The following NOCT variants were observed in gnomAD, a reference collection of about 807,000 sequenced individuals.
NOCT encodes CCR4 carbon catabolite repression 4-like.
A neutral mutation model predicts 35.0 loss-of-function variants in NOCT; 18 were observed. That is an observed-to-expected ratio of 0.51 (90% CI 0.36 to 0.76). The LOEUF (loss-of-function observed/expected upper bound fraction) is 0.76, where lower values mean the gene tolerates loss of function less well. NOCT is among the 30% of genes least tolerant of loss of function. The pLI, the probability that NOCT is intolerant of heterozygous loss-of-function variation, is 0.01. For missense variants in NOCT, 479 were observed against 541.0 expected, an observed-to-expected ratio of 0.89 and a Z score of 1.14; for synonymous variants, 235 against 226.3, an observed-to-expected ratio of 1.04 and a Z score of -0.34.
intron 2 of NOCT, chr4:139,043,980 G>GTATGTA (rs1553947370): frequency 2.2e-5 from 3 of 135,388 alleles, no homozygotes; most frequent in Admixed American, 7.4e-5. Flanking sequence ...AAAAAAATAT[G>GTATGTA]TATATATATA....
At chr4:139,036,087 G>C (rs912123360) in intron 1 of NOCT, among the ~76,000 whole-genome samples, 2 of 151,856 alleles carry the variant, frequency 1.3e-5, no homozygotes, top group Non-Finnish European at 2.9e-5. Context: ...ATATATGACA[G>C]ACTACACACA....
chr4:139,027,769 A>G (rs979451134), intron 1 of NOCT, among the ~76,000 whole-genome samples: 5 of 152,196 alleles, frequency 3.3e-5, no homozygotes, highest in Non-Finnish European at 7.3e-5. Flanking sequence ...AAGTGCTGGG[A>G]TTACAGGCTT....
intron 1 of NOCT, 31 bp downstream of exon 1, chr4:139,016,202 G>A: frequency 8.3e-7 from 1 of 1,211,404 alleles, no homozygotes; most frequent in Non-Finnish European, 1.0e-6. Flanking sequence ...GGCGGAGAAC[G>A]CCACGGCCGC....
intron 1 of NOCT, among the ~76,000 whole-genome samples, chr4:139,021,202 G>A (rs1050865137): frequency 6.6e-6 from 1 of 152,072 alleles, no homozygotes; most frequent in East Asian, 1.9e-4. Context: ...GGGTTTTGCC[G>A]TGTTGCCCAG....
chr4:139,036,819 G>GGGATT (rs1402034193), intron 1 of NOCT, among the ~76,000 whole-genome samples: 1 of 152,214 alleles, frequency 6.6e-6, no homozygotes, highest in Non-Finnish European at 1.5e-5. Context: ...CAAGGACTAT[G>GGGATT]GGATTGGATT....
intron 1 of NOCT, among the ~76,000 whole-genome samples, chr4:139,039,970 C>T (rs1560733994): frequency 1.3e-5 from 2 of 151,842 alleles, no homozygotes; most frequent in South Asian, 4.2e-4. Context: ...TCAGGTGATC[C>T]GCCCGCCTCA....
chr4:139,021,416 C>G (rs1331090977), intron 1 of NOCT, among the ~76,000 whole-genome samples: 1 of 151,954 alleles, frequency 6.6e-6, no homozygotes, highest in Non-Finnish European at 1.5e-5. Flanking sequence ...GTCGGGAGTT[C>G]GAGACCAGCC....
intron 1 of NOCT, among the ~76,000 whole-genome samples, chr4:139,018,804 G>A (rs76557885): frequency 0.01 from 1,599 of 152,344 alleles, 24 homozygotes; most frequent in African/African-American, 0.035. Context: ...AATGGCACAA[G>A]GGTGCAGGAA....
In NOCT at chr4:139,016,040, T is replaced by C. The variant is rs1332989175; in HGVS notation, c.59T>C (p.Leu20Pro). 7.2e-7 allele frequency: 1 copy of C among 1,390,700 alleles called. No homozygotes were observed. 86.1% of individuals were successfully genotyped at this position (1,390,700 alleles called of 1,614,324 possible). The part of the protein sequence containing the change: ...SALLQRDAPG[L>P]RRLPAPGLRR... ...CTGCTGCAGAGGGACGCGCCCGGCC[T>C]GCGCCGCCTGCCCGCCCCAGGGCTG... The change falls in exon 1 of 3, where the codon CTG becomes CCG. Residue 20 changes from leucine (L) to proline (P), a missense_variant. Physicochemically the swap from Leu to Pro is moderately conservative, Grantham distance 98. Coordinates refer to ENST00000280614, the MANE Select transcript of NOCT (RefSeq NM_012118.4).
intron 1 of NOCT, among the ~76,000 whole-genome samples, chr4:139,019,790 GC>G (rs1475501168): frequency 6.6e-6 from 1 of 152,194 alleles, no homozygotes; most frequent in African/African-American, 2.4e-5. Flanking sequence ...AGTAGCAGTT[GC>G]CACAGTTACT....
At chr4:139,026,290 G>A (rs1224292120) in intron 1 of NOCT, among the ~76,000 whole-genome samples, 4 of 151,878 alleles carry the variant, frequency 2.6e-5, no homozygotes, top group African/African-American at 2.4e-5. Context: ...TGGTAGAGAC[G>A]GGGTTTCACC....
chr4:139,034,576 TGTG>T (rs1195458414), intron 1 of NOCT, among the ~76,000 whole-genome samples: 3 of 152,064 alleles, frequency 2.0e-5, no homozygotes, highest in African/African-American at 2.4e-5. Context: ...GTGGTGTTGT[TGTG>T]GTGGTGGTGG....
At chr4:139,016,275 T>C in intron 1 of NOCT, 104 bp downstream of exon 1, 1 of 732,316 alleles carries the variant, frequency 1.4e-6, no homozygotes, top group South Asian at 7.0e-5. Context: ...CTGCCGGTCG[T>C]GGAGTCTGGC....
chr4:139,045,278 G>A lies in NOCT; in HGVS notation c.1100G>A (p.Arg367Gln), dbSNP rs903699987. 1.9e-6 allele frequency: 3 copies of A among 1,613,948 alleles called. No homozygotes were observed. The highest frequency in any genetic ancestry group is 8.5e-7 in the Non-Finnish European group (1 of 1,180,030). The change falls in exon 3 of 3, where the codon CGG becomes CAG. Residue 367 changes from arginine (R) to glutamine (Q), a missense_variant. This residue lies in a region of NOCT where 214 missense variants were observed against 284.0 expected (regional missense o/e 0.75). Coordinates refer to ENST00000280614, the MANE Select transcript of NOCT (RefSeq NM_012118.4). ...CCCCCATACACTACCTGGAAGATCC[G>A]GACCTCAGGGGAGTGCAGGCACACC... ...SEPPYTTWKI[R>Q]TSGECRHTLD...
chr4:139,016,157 C>T lies in NOCT; in HGVS notation c.176C>T (p.Ser59Leu), dbSNP rs1051600217. 1.6e-6 allele frequency: 2 copies of T among 1,265,718 alleles called. No individual in the cohort carries two copies. The highest frequency in any genetic ancestry group is 4.1e-5 in the Admixed American group (1 of 24,144). The allele number at this position is 1,265,718 out of a possible 1,614,324, so 78.4% of individuals were successfully genotyped here. ...TCGGCGGCCTCGGGCGCCGCGAGGT[C>T]GTGTTCCCGAACAGGTGAGTGCACC... The part of the protein sequence containing the change: ...AASAASGAAR[S>L]CSRTVCSMGT... The change falls in exon 1 of 3, where the codon TCG becomes TTG. Residue 59 changes from serine (S) to leucine (L), a missense_variant. This residue lies in a region of NOCT where 265 missense variants were observed against 257.0 expected (regional missense o/e 1.03). Coordinates refer to ENST00000280614, the MANE Select transcript of NOCT (RefSeq NM_012118.4).
chr4:139,021,120 C>A (rs1726403621), intron 1 of NOCT, among the ~76,000 whole-genome samples: 1 of 149,604 alleles, frequency 6.7e-6, no homozygotes, highest in Non-Finnish European at 1.5e-5. Context: ...TAAGGCAGTT[C>A]AAGAGACCCC....
At chr4:139,042,941 T>C in intron 1 of NOCT, 133 bp from the exon 2 acceptor site, 1 of 660,090 alleles carries the variant, frequency 1.5e-6, no homozygotes, top group South Asian at 3.3e-5. Flanking sequence ...AAAAAAGAAA[T>C]GGCTTTATAC....
At chr4:139,043,648 G>A (rs1054880402) in intron 2 of NOCT, 11 of 239,340 alleles carry the variant, frequency 4.6e-5, no homozygotes, top group Non-Finnish European at 8.3e-6. Context: ...AGGTGCAGTG[G>A]CTCACACCTG....
chr4:139,032,763 G>A (rs549420561), intron 1 of NOCT, among the ~76,000 whole-genome samples: 1 of 152,224 alleles, frequency 6.6e-6, no homozygotes, highest in South Asian at 2.1e-4. Context: ...TATTGTGAAG[G>A]TTCGAAAATC....
Sources: allele counts gnomAD v4.1 joint callset (sites outside exome capture counted in the v4.1 genomes callset), GRCh38; gene constraint gnomAD v4.1.1; regional missense constraint gnomAD v4.1.1; transcripts MANE v1.5; gene names NCBI Gene and HGNC (gene_info 2026-07-23, HGNC 2026-07-21).